Variants in ARHGAP24 observed in about 807,000 individuals in gnomAD.
ARHGAP24 encodes the protein rho GTPase-activating protein 24.
A neutral mutation model predicts 76.4 loss-of-function variants in ARHGAP24; 50 were observed. That is an observed-to-expected ratio of 0.65 (90% confidence interval 0.52 to 0.83). ARHGAP24 has a LOEUF of 0.83. Ranked by LOEUF, ARHGAP24 falls within the 40% of genes least tolerant of loss-of-function variation. ARHGAP24 has a pLI of 0.00. For missense variants in ARHGAP24, 930 were observed against 914.2 expected, an observed-to-expected ratio of 1.02 and a Z score of -0.22; for synonymous variants, 345 against 323.3, an observed-to-expected ratio of 1.07 and a Z score of -0.72.
chr4:85,984,819 TA>T (rs367628889), intron 8 of ARHGAP24, among the ~76,000 whole-genome samples: 185 of 152,268 alleles, frequency 1.2e-3, no homozygotes, highest in African/African-American at 4.3e-3. Context: ...ACAACTCTTT[TA>T]TTTTACTACT....
At chr4:85,628,184 A>C (rs984677672) in intron 2 of ARHGAP24, among the ~76,000 whole-genome samples, 1 of 152,176 alleles carries the variant, frequency 6.6e-6, no homozygotes, top group Non-Finnish European at 1.5e-5. Context: ...TGGGAGCTAT[A>C]GACCGGAGCT....
rs114225431 is a variant in ARHGAP24, at chr4:85,481,731, G to A, written c.-21+6172G>A. The stretch of plus-strand genomic sequence containing the variant: ...CTGGGAGCACTGTGAGCAACAGGTG[G>A]AGGCAAAGAGGAGGCAAGTGGTCCC... On this transcript the variant is annotated intron_variant, in intron 1 of 9. Transcript: ENST00000395184. Among the ~76,000 whole-genome samples the A allele has an allele frequency of 4.5e-3, 690 of 152,318 alleles. 6 individuals are homozygous for A. Among genetic ancestry groups the A allele is most frequent in the African/African-American group, 0.015 (635 of 41,566 alleles).
At chr4:85,517,879 G>A (rs17010307) in intron 1 of ARHGAP24, among the ~76,000 whole-genome samples, 17,312 of 151,998 alleles carry the variant, frequency 0.11, 3,144 homozygotes, top group African/African-American at 0.38. Context: ...TCTTTAAAAC[G>A]TAAGAAGAAT....
chr4:85,740,663 G>A (rs1426299268), intron 3 of ARHGAP24, among the ~76,000 whole-genome samples: 1 of 152,098 alleles, frequency 6.6e-6, no homozygotes, highest in Non-Finnish European at 1.5e-5. Context: ...TAAATATGAG[G>A]ACTATTATAT....
chr4:85,618,648 C>T (rs28863335), intron 2 of ARHGAP24, among the ~76,000 whole-genome samples: 49,993 of 151,894 alleles, frequency 0.33, 9,269 homozygotes, highest in East Asian at 0.84. Context: ...TAGTAATCTT[C>T]TGTCTTTTTG....
At chr4:85,804,825 T>C (rs1287411810) in intron 3 of ARHGAP24, among the ~76,000 whole-genome samples, 1 of 152,216 alleles carries the variant, frequency 6.6e-6, no homozygotes, top group Non-Finnish European at 1.5e-5. Flanking sequence ...ATTCTGAAAC[T>C]GTCAAAGAAC....
At chr4:85,618,435 G>A (rs1720606972) in intron 2 of ARHGAP24, among the ~76,000 whole-genome samples, 1 of 152,092 alleles carries the variant, frequency 6.6e-6, no homozygotes, top group Admixed American at 6.5e-5. Context: ...TAATGCTGCT[G>A]TGAACATGAG....
intron 1 of ARHGAP24, among the ~76,000 whole-genome samples, chr4:85,517,975 T>G (rs1160307416): frequency 1.3e-5 from 2 of 152,098 alleles, no homozygotes; most frequent in Admixed American, 1.3e-4. Context: ...ACTGACAACT[T>G]TAAGAAGTGA....
intron 2 of ARHGAP24, among the ~76,000 whole-genome samples, chr4:85,667,896 A>C (rs571866806): frequency 6.6e-6 from 1 of 152,328 alleles, no homozygotes; most frequent in African/African-American, 2.4e-5. Context: ...AAACAAGGAA[A>C]AGGAAATACA....
At chr4:85,809,116 C>A (rs761423440) in intron 3 of ARHGAP24, among the ~76,000 whole-genome samples, 8 of 152,096 alleles carry the variant, frequency 5.3e-5, no homozygotes, top group Non-Finnish European at 1.2e-4. Context: ...GTCAACTGGT[C>A]TAGGATAGAA....
At chr4:85,539,253 G>T (rs761618423) in intron 1 of ARHGAP24, among the ~76,000 whole-genome samples, 4 of 152,140 alleles carry the variant, frequency 2.6e-5, no homozygotes, top group Non-Finnish European at 4.4e-5. Context: ...GCAAATGAGA[G>T]AATTACTTTC....
chr4:85,967,085 G>A (rs573793302), intron 5 of ARHGAP24, among the ~76,000 whole-genome samples: 1 of 152,032 alleles, frequency 6.6e-6, no homozygotes, highest in South Asian at 2.1e-4. Context: ...AGCAAGGAGG[G>A]ATTCTTGTCA....
chr4:85,562,470 A>G (rs956795971), intron 1 of ARHGAP24, among the ~76,000 whole-genome samples: 1 of 152,066 alleles, frequency 6.6e-6, no homozygotes, highest in Non-Finnish European at 1.5e-5. Context: ...ACAAGATTTT[A>G]TTCAAGGTTG....
At chr4:85,500,413 A>T (rs1290436289) in intron 1 of ARHGAP24, among the ~76,000 whole-genome samples, 1 of 152,182 alleles carries the variant, frequency 6.6e-6, no homozygotes. Context: ...TAATTTGAAA[A>T]CTTTATTACT....
chr4:85,575,939 A>G (rs1412810167), intron 2 of ARHGAP24, among the ~76,000 whole-genome samples: 4 of 152,232 alleles, frequency 2.6e-5, no homozygotes, highest in Non-Finnish European at 5.9e-5. Context: ...AATAAGCACC[A>G]ACCCAATTAA....
chr4:85,624,733 T>G (rs1041482050), intron 2 of ARHGAP24, among the ~76,000 whole-genome samples: 9 of 152,192 alleles, frequency 5.9e-5, no homozygotes, highest in Non-Finnish European at 2.9e-5. Context: ...AGCTATTGAT[T>G]ATTGCCACAA....
chr4:85,943,535 G>T lies in ARHGAP24; in HGVS notation c.599+1262G>T, dbSNP rs577686076. Among the ~76,000 whole-genome samples the T allele has an allele frequency of 7.9e-5, 12 of 152,104 alleles. No homozygotes were observed. In the South Asian group the frequency reaches 2.3e-3, roughly 29 times the overall value. ...GCAGGTTTGTTACATAGGTATACAC[G>T]TGCCATGGTGGTTTGCTGCACCCAT... On this transcript the variant is annotated intron_variant, in intron 5 of 9. Transcript: ENST00000395184.
chr4:85,555,254 A>G (rs1239659932), intron 1 of ARHGAP24, among the ~76,000 whole-genome samples: 1 of 152,072 alleles, frequency 6.6e-6, no homozygotes, highest in African/African-American at 2.4e-5. Flanking sequence ...GTGTGGGGTG[A>G]TTCAATGCAG....
chr4:85,761,045 G>A (rs998384242), intron 3 of ARHGAP24, among the ~76,000 whole-genome samples: 2 of 152,108 alleles, frequency 1.3e-5, no homozygotes, highest in African/African-American at 4.8e-5. Context: ...CCATTGTACT[G>A]TCGACAGGAA....
Sources: gnomAD v4.1 joint callset for allele counts (sites outside exome capture counted in the v4.1 genomes callset) on GRCh38, gnomAD v4.1.1 for gene constraint, MANE v1.5 for transcripts, NCBI Gene and HGNC (gene_info 2026-07-23, HGNC 2026-07-21) for gene names.